JMY: variants seen among roughly 807,000 people sequenced by gnomAD.
JMY encodes junction-mediating and -regulatory protein.
Under a neutral mutation model 103.3 loss-of-function variants are expected in JMY, and 46 were observed. The observed-to-expected ratio is 0.45, with a 90% CI of 0.35 to 0.57. The LOEUF is 0.57. JMY is among the 20% of genes least tolerant of loss of function. The pLI, the probability that JMY is intolerant of heterozygous loss-of-function variation, is 0.00. For missense variants in JMY, 1,238 were observed against 1,255.2 expected (o/e 0.99, Z 0.21); for synonymous variants, 526 against 489.3 (o/e 1.07, Z -0.99).
chr5:79,300,238 A>C lies in JMY; in HGVS notation c.1613A>C (p.Tyr538Ser). ...TATTATGATCTGCAACTTCAGTTGT[A>C]TGAAGTACAGTTTGAAATCTTGAAG... ...ADYYDLQLQL[Y>S]EVQFEILKCE... Residue 538 changes from tyrosine to serine, a missense_variant, in exon 5 of 11, where the codon TAT becomes TCT. Coordinates refer to ENST00000396137, the MANE Select transcript of JMY (RefSeq NM_152405.5). 6.2e-7 allele frequency: 1 copy of C among 1,604,276 alleles called. No homozygotes were observed. The highest frequency in any genetic ancestry group is 8.5e-7 in the Non-Finnish European group (1 of 1,175,756).
chr5:79,316,042 G>GT lies in JMY; in HGVS notation c.2703dup (p.Ser902Ter). On this transcript the variant is annotated frameshift_variant, in exon 10 of 11. Coordinates refer to ENST00000396137, the MANE Select transcript of JMY (RefSeq NM_152405.5). LOFTEE classifies it high-confidence loss of function. The stretch of plus-strand genomic sequence containing the variant: ...GAGGTGCTAGCCTCCTTGAAGCGTG[G>GT]TAGTTTTCATCTGAAAAAGGTTGAA... The GT allele has an allele frequency of 6.2e-7, 1 of 1,614,182 alleles. No individual in the cohort carries two copies. The highest frequency in any genetic ancestry group is 8.5e-7 in the Non-Finnish European group (1 of 1,180,022).
chr5:79,238,880 G>T (rs1247613076), intron 1 of JMY, among the ~76,000 whole-genome samples: 1 of 152,044 alleles, frequency 6.6e-6, no homozygotes. Context: ...GGCCAGTATG[G>T]TCTCGATCTC....
rs1747484802 is a variant in JMY, at chr5:79,322,432, G to A, written c.*830G>A. 6.6e-6 allele frequency: 1 copy of A among 152,138 alleles called. No individual in the cohort carries two copies. The highest frequency in any genetic ancestry group is 1.5e-5 in the Non-Finnish European group (1 of 68,026). The allele number at this position is 152,138 out of a possible 1,614,324, so 9.4% of individuals were successfully genotyped here. On this transcript the variant is annotated 3_prime_UTR_variant, in exon 11 of 11. Coordinates refer to ENST00000396137, the MANE Select transcript of JMY (RefSeq NM_152405.5). ...GTTTGAATTATTGCTTGATTGCTAT[G>A]ACTGACATGACTTTCCTATTGAGAA...
At chr5:79,281,412 A>G (rs1490787225) in intron 2 of JMY, among the ~76,000 whole-genome samples, 2 of 146,980 alleles carry the variant, frequency 1.4e-5, no homozygotes, top group Non-Finnish European at 3.0e-5. Context: ...AAACTGGAGC[A>G]CAATCACACA....
At chr5:79,285,762 G>GT (rs1357980399) in intron 2 of JMY, among the ~76,000 whole-genome samples, 1 of 152,044 alleles carries the variant, frequency 6.6e-6, no homozygotes, top group African/African-American at 2.4e-5. Flanking sequence ...TATATTCACA[G>GT]TTTTTTCCCC....
At chr5:79,271,884 G>T (rs113017737) in intron 1 of JMY, among the ~76,000 whole-genome samples, 2 of 152,070 alleles carry the variant, frequency 1.3e-5, no homozygotes, top group African/African-American at 4.8e-5. Context: ...CGAGGCAGGC[G>T]GATTATCTGA....
chr5:79,290,986 TA>T, intron 3 of JMY, 143 bp from the exon 4 acceptor site: 1 of 538,982 alleles, frequency 1.9e-6, no homozygotes, highest in Non-Finnish European at 2.9e-6. Flanking sequence ...CTCCATCTCA[TA>T]AAAGAAAAAA....
intron 2 of JMY, among the ~76,000 whole-genome samples, chr5:79,280,666 T>C (rs1291300106): frequency 1.3e-5 from 2 of 152,248 alleles, no homozygotes; most frequent in African/African-American, 2.4e-5. Context: ...GAGTGTGTTG[T>C]ATTGCTTTAA....
rs533961398 is a variant in JMY at position 79,278,793 on chromosome 5, CT to C, written c.1206+728del. On this transcript the variant is annotated intron_variant, in intron 2 of 10. Coordinates refer to ENST00000396137, the MANE Select transcript of JMY (RefSeq NM_152405.5). ...AGAAGAAAAAGTTTTGGGAACATTT[CT>C]TTTTTTTTTTTTTTTTTCGAGATGG... Among the ~76,000 whole-genome samples the C allele has an allele frequency of 1.2e-3, 138 of 114,158 alleles. 1 individual carries two copies. The highest frequency in any genetic ancestry group is 5.1e-3 in the South Asian group (17 of 3,356). 74.9% of individuals were successfully genotyped at this position (114,158 alleles called of 152,430 possible).
intron 3 of JMY, among the ~76,000 whole-genome samples, 182 bp from the exon 4 acceptor site, chr5:79,290,946 CTG>C (rs1170683579): frequency 6.6e-6 from 1 of 152,138 alleles, no homozygotes. Flanking sequence ...AATCGCGCCA[CTG>C]CACTCCAGCC....
At chr5:79,241,052 C>G (rs560969685) in intron 1 of JMY, among the ~76,000 whole-genome samples, 6 of 152,274 alleles carry the variant, frequency 3.9e-5, no homozygotes, top group African/African-American at 1.4e-4. Flanking sequence ...TCTTTAATTT[C>G]TATGAATCTA....
intron 1 of JMY, among the ~76,000 whole-genome samples, chr5:79,260,009 G>GTGCCC (rs1011133305): frequency 2.0e-5 from 3 of 152,192 alleles, no homozygotes; most frequent in African/African-American, 7.2e-5. Flanking sequence ...CTGCCCCTCA[G>GTGCCC]TGCCCGACTG....
rs149124884 is a variant in JMY at position 79,274,769 on chromosome 5, G to A, written c.1033-3141G>A. On this transcript the variant is annotated intron_variant, in intron 1 of 10. Transcript: ENST00000396137. Reference sequence around the variant, plus strand: ...TTTCTTTGTTGGTCTGTTAATCTTGGATTATATAATAGACATTGTGAATGA... The same window carrying A: ...TTTCTTTGTTGGTCTGTTAATCTTGAATTATATAATAGACATTGTGAATGA... 4.4e-3 allele frequency among the ~76,000 whole-genome samples: 668 copies of A among 152,190 alleles called. 4 individuals are homozygous for A. The highest frequency in any genetic ancestry group is 0.014 in the Middle Eastern group (4 of 294).
intron 7 of JMY, among the ~76,000 whole-genome samples, chr5:79,308,341 T>C (rs1746948472): frequency 6.6e-6 from 1 of 152,200 alleles, no homozygotes; most frequent in Non-Finnish European, 1.5e-5. Flanking sequence ...AGGAGTTTTA[T>C]AGTTTTGTGT....
At chr5:79,277,606 C>G (rs1038673426) in intron 1 of JMY, among the ~76,000 whole-genome samples, 5 of 151,714 alleles carry the variant, frequency 3.3e-5, no homozygotes, top group African/African-American at 1.2e-4. Context: ...CCATTGCACT[C>G]CAGCCTGGGT....
intron 1 of JMY, among the ~76,000 whole-genome samples, chr5:79,273,145 A>G (rs949205048): frequency 6.6e-6 from 1 of 152,216 alleles, no homozygotes; most frequent in Non-Finnish European, 1.5e-5. Context: ...AGCAATCTTT[A>G]TTCCTTTATG....
At chr5:79,315,329 C>T (rs1747184025) in intron 9 of JMY, among the ~76,000 whole-genome samples, 1 of 152,128 alleles carries the variant, frequency 6.6e-6, no homozygotes, top group South Asian at 2.1e-4. Flanking sequence ...TACAATGTGA[C>T]AGATGTGCCT....
At position 79,314,646 on chromosome 5, in the gene JMY, C is replaced by G; in HGVS notation, c.2454C>G (p.Pro818=). 2 of 1,516,706 alleles carry G rather than the reference C, an allele frequency of 1.3e-6. No homozygotes were observed. The highest frequency in any genetic ancestry group is 1.8e-6 in the Non-Finnish European group (2 of 1,105,576). 94.0% of individuals were successfully genotyped at this position (1,516,706 alleles called of 1,614,324 possible). ...CACCACCACCTCCCCCACCTCCTCC[C>G]CCTCCCCCACCACCACCACCTCTGC... ...PPTPPPPPPP[P]PPPPPPPLPV... Residue 818 remains proline (P), a synonymous_variant, in exon 9 of 11, where the codon CCC becomes CCG. Transcript: ENST00000396137.
At chr5:79,257,944 G>T (rs2112061398) in intron 1 of JMY, among the ~76,000 whole-genome samples, 1 of 152,106 alleles carries the variant, frequency 6.6e-6, no homozygotes, top group East Asian at 1.9e-4. Flanking sequence ...TGTGTTTTTA[G>T]TAGAGACAGG....
Sources: gnomAD v4.1 joint callset for allele counts (sites outside exome capture counted in the v4.1 genomes callset) on GRCh38, gnomAD v4.1.1 for gene constraint, MANE v1.5 for transcripts, NCBI Gene and HGNC (gene_info 2026-07-23, HGNC 2026-07-21) for gene names.